The following EBF1 variants were observed in gnomAD, a reference collection of about 807,000 sequenced individuals.
EBF1 encodes the protein transcription factor COE1.
A neutral mutation model predicts 68.4 loss-of-function variants in EBF1; 10 were observed. The ratio of observed to expected loss-of-function variants is 0.15; its 90% confidence interval spans 0.09 to 0.25. The LOEUF is 0.25. Among genes scored for constraint, EBF1 ranks in the 10% least tolerant of loss-of-function variants. EBF1 has a pLI of 1.00. For synonymous variants in EBF1, 298 were observed against 299.8 expected, an observed-to-expected ratio of 0.99 and a Z score of 0.06; for missense variants, 509 against 794.4, an observed-to-expected ratio of 0.64 and a Z score of 4.32.
intron 10 of EBF1, among the ~76,000 whole-genome samples, chr5:158,766,348 T>G (rs1772659683): frequency 6.6e-6 from 1 of 152,176 alleles, no homozygotes; most frequent in Admixed American, 6.5e-5. Context: ...TGGCTCTGGC[T>G]TTGATTTTTT....
At chr5:159,008,435 A>G (rs952533394) in intron 6 of EBF1, among the ~76,000 whole-genome samples, 6 of 145,002 alleles carry the variant, frequency 4.1e-5, no homozygotes, top group Non-Finnish European at 9.3e-5. Flanking sequence ...AGAAAAAGAG[A>G]AAATACACCT....
intron 8 of EBF1, among the ~76,000 whole-genome samples, chr5:158,809,781 T>C (rs76208109): frequency 0.024 from 3,619 of 152,274 alleles, 160 homozygotes; most frequent in African/African-American, 0.083. Context: ...ACACAAACGA[T>C]AGCAACACTA....
chr5:158,791,699 G>A (rs955676009), intron 9 of EBF1, among the ~76,000 whole-genome samples: 1 of 151,348 alleles, frequency 6.6e-6, no homozygotes, highest in African/African-American at 2.5e-5. Flanking sequence ...AGAGGAACTT[G>A]ATTGGTCATT....
rs561361568 is a variant in EBF1 at position 158,697,364 on chromosome 5, C to G, written c.*1747G>C. 1 of 194,782 alleles carries G rather than the reference C, an allele frequency of 5.1e-6. No homozygotes were observed. Among genetic ancestry groups the G allele is most frequent in the East Asian group, 8.0e-5 (1 of 12,566 alleles). 12.1% of individuals were successfully genotyped at this position (194,782 alleles called of 1,614,324 possible). A position where few individuals can be genotyped will look rare whatever the true frequency, so the allele number is the denominator to read the frequency against. On this transcript the variant is annotated 3_prime_UTR_variant, in exon 16 of 16. Coordinates refer to ENST00000313708, the MANE Select transcript of EBF1 (RefSeq NM_024007.5). The stretch of plus-strand genomic sequence containing the variant: ...GACTTTTGGGTGGAAATTAAAAAAA[C>G]TGAAGCATGGTTTATAACAATACTA...
At chr5:158,710,129 T>C (rs1392269995) in intron 14 of EBF1, among the ~76,000 whole-genome samples, 1 of 152,218 alleles carries the variant, frequency 6.6e-6, no homozygotes, top group African/African-American at 2.4e-5. Context: ...GAGGCAAAAA[T>C]TCAAATCAAC....
intron 6 of EBF1, among the ~76,000 whole-genome samples, chr5:158,941,607 C>A (rs972740448): frequency 1.3e-5 from 2 of 152,178 alleles, no homozygotes; most frequent in Non-Finnish European, 2.9e-5. Context: ...AGATCTTAAC[C>A]ATTTTGTTAT....
intron 6 of EBF1, among the ~76,000 whole-genome samples, chr5:159,072,369 A>C (rs1398709416): frequency 2.0e-5 from 3 of 152,202 alleles, no homozygotes; most frequent in African/African-American, 7.2e-5. Context: ...GTCATTGTTA[A>C]CTGAAAAATG....
intron 5 of EBF1, among the ~76,000 whole-genome samples, chr5:159,083,907 G>A (rs1458241166): frequency 6.6e-6 from 1 of 152,250 alleles, no homozygotes; most frequent in Non-Finnish European, 1.5e-5. Context: ...AAGTTAAAGG[G>A]CTGTTCCCTG....
intron 6 of EBF1, among the ~76,000 whole-genome samples, chr5:158,946,288 T>G (rs1275191179): frequency 6.6e-6 from 1 of 152,220 alleles, no homozygotes; most frequent in Non-Finnish European, 1.5e-5. Context: ...ATTTTCAGCC[T>G]TTTTCACTGG....
At chr5:158,984,529 CA>C (rs1758594824) in intron 6 of EBF1, among the ~76,000 whole-genome samples, 1 of 152,034 alleles carries the variant, frequency 6.6e-6, no homozygotes, top group Non-Finnish European at 1.5e-5. Flanking sequence ...GTGCCGTTTT[CA>C]ATTTTCTCTT....
chr5:158,881,435 C>G (rs1052684650), intron 6 of EBF1, among the ~76,000 whole-genome samples: 1 of 152,182 alleles, frequency 6.6e-6, no homozygotes, highest in African/African-American at 2.4e-5. Context: ...CCTGGACTTG[C>G]CTGCCCCTGG....
At chr5:158,901,667 A>G (rs1368595556) in intron 6 of EBF1, among the ~76,000 whole-genome samples, 1 of 152,258 alleles carries the variant, frequency 6.6e-6, no homozygotes, top group Non-Finnish European at 1.5e-5. Context: ...GGTATATGCT[A>G]GGCATATGTT....
intron 4 of EBF1, among the ~76,000 whole-genome samples, chr5:159,087,996 A>T (rs1781014573): frequency 6.6e-6 from 1 of 152,130 alleles, no homozygotes; most frequent in South Asian, 2.1e-4. Flanking sequence ...TGCCTCCATG[A>T]CTTCTGAAAT....
intron 6 of EBF1, among the ~76,000 whole-genome samples, chr5:158,967,994 T>C (rs1006139865): frequency 6.6e-6 from 1 of 152,212 alleles, no homozygotes; most frequent in East Asian, 1.9e-4. Context: ...TGGGTTAAAA[T>C]ATGCAACTCA....
chr5:158,995,544 C>T (rs1761227553), intron 6 of EBF1, among the ~76,000 whole-genome samples: 2 of 152,162 alleles, frequency 1.3e-5, no homozygotes, highest in Admixed American at 1.3e-4. Flanking sequence ...AGGCTCTTGA[C>T]ACCCCTCAGT....
intron 7 of EBF1, among the ~76,000 whole-genome samples, chr5:158,838,619 TAAAAG>T (rs1789419826): frequency 6.6e-6 from 1 of 152,122 alleles, no homozygotes; most frequent in African/African-American, 2.4e-5. Context: ...CTCACCTCCT[TAAAAG>T]AAATCATCTT....
Position 158,712,140 on chromosome 5 carries a change from G to A in EBF1, c.1549+14C>T, listed in dbSNP as rs755222390. On this transcript the variant is annotated intron_variant, in intron 14 of 15. Transcript: ENST00000313708. ...CGAAACGTGCAGGAACGCAGGATAT[G>A]CATCTCTACTTACTGGCATAGGGGG... 6.2e-7 allele frequency: 1 copy of A among 1,613,206 alleles called. No individual in the cohort carries two copies. Among genetic ancestry groups the A allele is most frequent in the South Asian group, 1.1e-5 (1 of 90,770 alleles).
chr5:158,848,600 GAAC>G (rs1469168663), intron 6 of EBF1, among the ~76,000 whole-genome samples: 3 of 152,168 alleles, frequency 2.0e-5, no homozygotes, highest in Non-Finnish European at 4.4e-5. Flanking sequence ...AAGTGTCAAT[GAAC>G]ATCACCATAA....
At chr5:159,003,461 A>G (rs1037080153) in intron 6 of EBF1, among the ~76,000 whole-genome samples, 2 of 42,260 alleles carry the variant, frequency 4.7e-5, no homozygotes, top group African/African-American at 8.4e-5. Flanking sequence ...CAACTGCAGG[A>G]AAAAAAAAAA....
Sources: allele counts gnomAD v4.1 joint callset (sites outside exome capture counted in the v4.1 genomes callset), GRCh38; gene constraint gnomAD v4.1.1; transcripts MANE v1.5; gene names NCBI Gene and HGNC (gene_info 2026-07-23, HGNC 2026-07-21).